The following STK39 variants were observed in gnomAD, a reference collection of about 807,000 sequenced individuals.
STK39 encodes the protein STE20/SPS1-related proline-alanine-rich protein kinase.
STK39 carries 20 observed loss-of-function variants against 77.8 expected under a neutral mutation model. The ratio of observed to expected loss-of-function variants is 0.26; its 90% CI spans 0.18 to 0.37. The LOEUF (loss-of-function observed/expected upper bound fraction) is 0.37. Ranked by LOEUF, STK39 falls within the 10% of genes least tolerant of loss-of-function variation. The pLI is 1.00. For synonymous variants in STK39, 246 were observed against 234.1 expected (o/e 1.05, Z -0.47); for missense variants, 479 against 656.5 (o/e 0.73, Z 2.95).
In STK39 at chr2:168,002,794, T is replaced by G. The variant is rs115189139; in HGVS notation, c.1498+9840A>C. 5.0e-3 allele frequency among the ~76,000 whole-genome samples: 766 copies of G among 152,302 alleles called. 8 individuals carry two copies. The highest frequency in any genetic ancestry group is 0.017 in the African/African-American group (725 of 41,558). Reference sequence around the variant, plus strand: ...GTAACCCTTAGGTGTGTGATCAAACTAATGCTGAATCTGTGTGCTCTGTCT... The same window carrying G: ...GTAACCCTTAGGTGTGTGATCAAACGAATGCTGAATCTGTGTGCTCTGTCT... On this transcript the variant is annotated intron_variant, in intron 16 of 17. Coordinates refer to ENST00000355999, the MANE Select transcript of STK39 (RefSeq NM_013233.3).
chr2:168,225,300 AT>A (rs1690275935), intron 1 of STK39, among the ~76,000 whole-genome samples: 4 of 141,334 alleles, frequency 2.8e-5, no homozygotes, highest in Admixed American at 1.4e-4. Flanking sequence ...TGATAAAACT[AT>A]CAAATACATC....
chr2:168,013,793 G>GGTGT (rs4000936), intron 15 of STK39, among the ~76,000 whole-genome samples: 2,920 of 147,700 alleles, frequency 0.02, 27 homozygotes, highest in African/African-American at 0.036. Flanking sequence ...TAAGTGGGCT[G>GGTGT]GTGTGTGTGT....
chr2:168,222,875 G>C (rs894775407), intron 1 of STK39, among the ~76,000 whole-genome samples: 2 of 152,102 alleles, frequency 1.3e-5, no homozygotes, highest in Non-Finnish European at 2.9e-5. Flanking sequence ...CCTGTCCATT[G>C]GGTTGTTGTA....
intron 10 of STK39, among the ~76,000 whole-genome samples, chr2:168,083,228 CTTT>C (rs542073949): frequency 7.9e-5 from 11 of 138,452 alleles, no homozygotes; most frequent in Non-Finnish European, 9.4e-5. Flanking sequence ...CCACATTCTC[CTTT>C]TTTTTTTTTT....
chr2:167,980,523 T>C (rs1409837267), intron 16 of STK39, among the ~76,000 whole-genome samples: 1 of 152,206 alleles, frequency 6.6e-6, no homozygotes, highest in Non-Finnish European at 1.5e-5. Flanking sequence ...TGAGGAATGC[T>C]ACCTAAATTA....
intron 12 of STK39, among the ~76,000 whole-genome samples, chr2:168,071,440 A>C (rs749281081): frequency 1.1e-4 from 16 of 152,182 alleles, no homozygotes; most frequent in Non-Finnish European, 2.4e-4. Flanking sequence ...AAACATGAAA[A>C]AGCTTATTAA....
At chr2:168,072,168 AATTCC>A (rs1408042474) in intron 12 of STK39, among the ~76,000 whole-genome samples, 1 of 152,232 alleles carries the variant, frequency 6.6e-6, no homozygotes, top group Admixed American at 6.5e-5. Context: ...TAGTTTTTGT[AATTCC>A]ATTCATGTTT....
At chr2:168,186,471 C>G (rs1005330895) in intron 1 of STK39, among the ~76,000 whole-genome samples, 1 of 152,168 alleles carries the variant, frequency 6.6e-6, no homozygotes, top group Non-Finnish European at 1.5e-5. Flanking sequence ...ATTAAGTCAA[C>G]AGCAAATGGC....
intron 14 of STK39, among the ~76,000 whole-genome samples, chr2:168,042,928 G>A (rs965434530): frequency 4.6e-5 from 7 of 151,960 alleles, no homozygotes; most frequent in African/African-American, 1.7e-4. Context: ...GGGTTTCTGG[G>A]GATCAGTAAA....
chr2:168,083,622 G>C (rs951642543), intron 10 of STK39, among the ~76,000 whole-genome samples: 3 of 152,060 alleles, frequency 2.0e-5, no homozygotes, highest in African/African-American at 7.2e-5. Flanking sequence ...CAGTATGGAA[G>C]GGTAGCTGCT....
chr2:168,101,039 G>A (rs1186780802), intron 10 of STK39, among the ~76,000 whole-genome samples: 1 of 152,180 alleles, frequency 6.6e-6, no homozygotes, highest in Non-Finnish European at 1.5e-5. Context: ...AAAAAGGAAT[G>A]AGTTCATGTC....
At chr2:168,061,994 A>G (rs960088083) in intron 14 of STK39, among the ~76,000 whole-genome samples, 1 of 152,220 alleles carries the variant, frequency 6.6e-6, no homozygotes, top group African/African-American at 2.4e-5. Flanking sequence ...AGGAAGAACC[A>G]TCAATCAATT....
intron 14 of STK39, among the ~76,000 whole-genome samples, chr2:168,025,024 T>C (rs1684662335): frequency 6.6e-6 from 1 of 152,198 alleles, no homozygotes. Context: ...CTGGCTTTTA[T>C]AAAGTGCCTC....
At chr2:168,137,356 A>T (rs1413411153) in intron 8 of STK39, among the ~76,000 whole-genome samples, 1 of 152,198 alleles carries the variant, frequency 6.6e-6, no homozygotes, top group African/African-American at 2.4e-5. Context: ...AAGGGACCTT[A>T]CCCAGGCAAG....
At chr2:168,246,653 G>A (rs1194587176) in intron 1 of STK39, among the ~76,000 whole-genome samples, 1 of 152,134 alleles carries the variant, frequency 6.6e-6, no homozygotes, top group African/African-American at 2.4e-5. Context: ...CGGCTGTCAG[G>A]AAGAGAGGCC....
intron 1 of STK39, among the ~76,000 whole-genome samples, chr2:168,239,831 C>G (rs542173956): frequency 6.6e-6 from 1 of 152,050 alleles, no homozygotes; most frequent in Non-Finnish European, 1.5e-5. Flanking sequence ...TGCCAGGGAG[C>G]GAAAGACCCA....
At chr2:168,007,193 A>C (rs958840365) in intron 16 of STK39, among the ~76,000 whole-genome samples, 1 of 152,222 alleles carries the variant, frequency 6.6e-6, no homozygotes, top group African/African-American at 2.4e-5. Context: ...ACCTCTATAT[A>C]AACTGGACTC....
At chr2:168,220,716 T>C (rs908812000) in intron 1 of STK39, among the ~76,000 whole-genome samples, 2 of 152,174 alleles carry the variant, frequency 1.3e-5, no homozygotes, top group African/African-American at 2.4e-5. Context: ...CTAACAGTTC[T>C]CCATTAAATG....
intron 12 of STK39, among the ~76,000 whole-genome samples, chr2:168,066,271 T>C (rs899359708): frequency 6.6e-6 from 1 of 152,176 alleles, no homozygotes; most frequent in Admixed American, 6.6e-5. Flanking sequence ...TTGAAATGCA[T>C]CAAAAAGTTA....
Sources: allele counts gnomAD v4.1 joint callset (sites outside exome capture counted in the v4.1 genomes callset), GRCh38; gene constraint gnomAD v4.1.1; transcripts MANE v1.5; gene names NCBI Gene and HGNC (gene_info 2026-07-23, HGNC 2026-07-21).